Variants in CCL26 observed in about 807,000 individuals in gnomAD.
CCL26 encodes C-C motif chemokine ligand 26, also known as C-C motif chemokine 26.
A neutral mutation model predicts 10.7 loss-of-function variants in CCL26; 10 were observed. The observed-to-expected ratio is 0.93, with a 90% CI of 0.57 to 1.58. The LOEUF (loss-of-function observed/expected upper bound fraction) is 1.58. CCL26 is among the 40% of genes most tolerant of loss of function. The probability of loss-of-function intolerance (pLI) is 0.00; values close to 1 mark genes in which losing one functional copy is unlikely to be tolerated. For missense variants in CCL26, 116 were observed against 111.0 expected (o/e 1.05, Z -0.20); for synonymous variants, 43 against 41.4 (o/e 1.04, Z -0.15).
upstream of CCL26, among the ~76,000 whole-genome samples, chr7:75,776,513 A>AAAAGG (rs1802942705): frequency 9.2e-6 from 1 of 108,986 alleles, no homozygotes; most frequent in African/African-American, 3.9e-5. Context: ...TGCACTCCAA[A>AAAAGG]AAGGAAGGAA....
chr7:75,783,520 C>T (rs1469567763), intron 1 of CCL26, among the ~76,000 whole-genome samples: 1 of 152,134 alleles, frequency 6.6e-6, no homozygotes, highest in Non-Finnish European at 1.5e-5. Context: ...AAACTACCAG[C>T]CAGGCACGGT....
chr7:75,789,117 G>A (rs1315683005), intron 1 of CCL26, among the ~76,000 whole-genome samples: 2 of 119,556 alleles, frequency 1.7e-5, no homozygotes, highest in African/African-American at 6.5e-5. Flanking sequence ...TTTTTTTGTA[G>A]AGATGTGGCG....
chr7:75,777,862 C>A (rs1428089537), intron 1 of CCL26, among the ~76,000 whole-genome samples: 1 of 151,222 alleles, frequency 6.6e-6, no homozygotes, highest in Non-Finnish European at 1.5e-5. Flanking sequence ...CTCTGTTGCC[C>A]AGGCTGGAGT....
upstream of CCL26, among the ~76,000 whole-genome samples, chr7:75,774,868 T>C (rs534811611): frequency 6.6e-6 from 1 of 152,160 alleles, no homozygotes; most frequent in South Asian, 2.1e-4. Flanking sequence ...TGCAGTGAAC[T>C]ATGATCATGC....
intron 1 of CCL26, among the ~76,000 whole-genome samples, chr7:75,787,471 C>T (rs893910518): frequency 1.3e-5 from 2 of 151,656 alleles, no homozygotes; most frequent in Non-Finnish European, 2.9e-5. Context: ...GGTGAAACCC[C>T]GTCTGTACTA....
At chr7:75,790,022 C>CCTCCCTCCA (rs1803289643), upstream of CCL26, 1 of 135,148 alleles carries the variant, frequency 7.4e-6, no homozygotes, top group Admixed American at 7.7e-5. Context: ...CCCTCCCTTC[C>CCTCCCTCCA]TTCCTTCCTT....
At chr7:75,776,513 AAAGGAAGGAAGGAAGGAAGG>A (rs58177095), upstream of CCL26, among the ~76,000 whole-genome samples, 5,009 of 109,000 alleles carry the variant, frequency 0.046, 204 homozygotes, top group African/African-American at 0.081. Context: ...TGCACTCCAA[AAAGGAAGGAAGGAAGGAAGG>A]AAGGAAGGAA....
chr7:75,788,243 T>C (rs1231208613), intron 1 of CCL26, among the ~76,000 whole-genome samples: 1 of 152,142 alleles, frequency 6.6e-6, no homozygotes, highest in Non-Finnish European at 1.5e-5. Context: ...CTGAAGTAAC[T>C]GAAGAATCAC....
At chr7:75,778,557 CA>C (rs373111098) in intron 1 of CCL26, among the ~76,000 whole-genome samples, 3 of 63,712 alleles carry the variant, frequency 4.7e-5, no homozygotes, top group South Asian at 6.6e-4. Flanking sequence ...TGATGTTGAG[CA>C]TTTTTTTTTT....
upstream of CCL26, among the ~76,000 whole-genome samples, chr7:75,775,010 A>G (rs1301832441): frequency 6.6e-6 from 1 of 152,122 alleles, no homozygotes; most frequent in Non-Finnish European, 1.5e-5. Context: ...CCTTGAGGTC[A>G]GGAGTTCAAG....
At chr7:75,791,392 G>T (rs115594024), upstream of CCL26, among the ~76,000 whole-genome samples, 727 of 152,174 alleles carry the variant, frequency 4.8e-3, 8 homozygotes, top group African/African-American at 0.017. Context: ...CTTGATGTCA[G>T]CCCATAGCTG....
chr7:75,779,991 C>T (rs1306934784), intron 1 of CCL26, among the ~76,000 whole-genome samples: 2 of 150,916 alleles, frequency 1.3e-5, no homozygotes, highest in Non-Finnish European at 3.0e-5. Flanking sequence ...GGACAAGCAC[C>T]TCCTACCCCT....
intron 1 of CCL26, among the ~76,000 whole-genome samples, chr7:75,778,848 T>TCGGG (rs59030718): frequency 0.053 from 7,843 of 149,020 alleles, 343 homozygotes; most frequent in African/African-American, 0.12. Context: ...GAGGCCAAGG[T>TCGGG]GGGGGGGGCA....
At chr7:75,787,340 G>GT (rs1360023791) in intron 1 of CCL26, among the ~76,000 whole-genome samples, 1 of 152,096 alleles carries the variant, frequency 6.6e-6, no homozygotes, top group African/African-American at 2.4e-5. Flanking sequence ...CGGACTAATG[G>GT]TTTTTTAAAG....
chr7:75,786,896 CTCATT>C (rs1288403908), intron 1 of CCL26, among the ~76,000 whole-genome samples: 10 of 152,222 alleles, frequency 6.6e-5, no homozygotes, highest in Admixed American at 6.5e-4. Flanking sequence ...CTTAGAAACT[CTCATT>C]TCCTTTCCAT....
chr7:75,770,943 T>C (rs1053066090), intron 2 of CCL26, among the ~76,000 whole-genome samples: 1 of 152,296 alleles, frequency 6.6e-6, no homozygotes, highest in African/African-American at 2.4e-5. Context: ...GGCCCACTCA[T>C]AGGCAGCCTT....
intron 2 of CCL26, 52 bp downstream of exon 2, chr7:75,771,837 T>C: frequency 1.8e-6 from 2 of 1,139,476 alleles, no homozygotes; most frequent in Non-Finnish European, 2.7e-6. Flanking sequence ...CCAGCACCCA[T>C]CCTGTTGCAT....
chr7:75,789,126 C>A lies in CCL26; in HGVS notation c.-79+591G>T, dbSNP rs1402733686. ...TTTTTTTTTTTTTGTAGAGATGTGG[C>A]GGGCGGGGGGGTCTCTCTGTGTTGC... On this transcript the variant is annotated intron_variant, in intron 1 of 3. Transcript: ENST00000394905. 9.7e-5 allele frequency among the ~76,000 whole-genome samples: 12 copies of A among 123,764 alleles called. 1 individual carries two copies. Among genetic ancestry groups the A allele is most frequent in the African/African-American group, 3.7e-4 (12 of 32,132 alleles). 81.2% of individuals were successfully genotyped at this position (123,764 alleles called of 152,430 possible). A position where few individuals can be genotyped will look rare whatever the true frequency, so the allele number is the denominator to read the frequency against.
At position 75,769,640 on chromosome 7, in the gene CCL26, G is replaced by GCTGC; in HGVS notation, c.*49_*52dup. Reference sequence around the variant, plus strand: ...AAAGATTCCGCAGGCTCCCCAGAGGGCTGCAGAGCCAAGAGCGGGGTCCAA... The same window carrying GCTGC: ...AAAGATTCCGCAGGCTCCCCAGAGGGCTGCCTGCAGAGCCAAGAGCGGGGTCCAA... On this transcript the variant is annotated 3_prime_UTR_variant, in exon 3 of 3. Transcript: ENST00000005180. The GCTGC allele has an allele frequency of 2.5e-6, 3 of 1,185,632 alleles. No individual in the cohort carries two copies. The highest frequency in any genetic ancestry group is 3.4e-5 in the Admixed American group (2 of 58,798). The allele number at this position is 1,185,632 out of a possible 1,614,324, so 73.4% of individuals were successfully genotyped here. A position where few individuals can be genotyped will look rare whatever the true frequency, so the allele number is the denominator to read the frequency against.
Sources: allele counts gnomAD v4.1 joint callset (sites outside exome capture counted in the v4.1 genomes callset), GRCh38; gene constraint gnomAD v4.1.1; transcripts MANE v1.5; gene names NCBI Gene and HGNC (gene_info 2026-07-23, HGNC 2026-07-21).